RAB39A: variants seen among roughly 807,000 people sequenced by gnomAD.
RAB39A encodes the protein ras-related protein Rab-39A.
RAB39A carries 17 observed loss-of-function variants against 20.9 expected under a neutral mutation model. The observed-to-expected ratio is 0.81, with a 90% CI of 0.56 to 1.22. RAB39A has a LOEUF of 1.22. RAB39A is among the 50% of genes most tolerant of loss of function. The pLI is 0.00. For missense variants in RAB39A, 234 were observed against 270.5 expected, an observed-to-expected ratio of 0.87 and a Z score of 0.95; for synonymous variants, 99 against 103.4, an observed-to-expected ratio of 0.96 and a Z score of 0.26.
At chr11:107,931,702 T>C (rs1467719880) in intron 1 of RAB39A, among the ~76,000 whole-genome samples, 1 of 152,098 alleles carries the variant, frequency 6.6e-6, no homozygotes, top group East Asian at 1.9e-4. Flanking sequence ...TTGTGGGAAA[T>C]GTCATGTTTG....
At position 107,928,674 on chromosome 11, in the gene RAB39A, C is replaced by A. The variant is rs771124866; in HGVS notation, c.106C>A (p.Leu36Met). 2 of 1,612,360 alleles carry A rather than the reference C, an allele frequency of 1.2e-6. No individual in the cohort carries two copies. Among genetic ancestry groups the A allele is most frequent in the Admixed American group, 1.7e-5 (1 of 59,868 alleles). The change falls in exon 1 of 2, where the codon CTG (leucine) becomes ATG (methionine). Residue 36 changes from leucine to methionine, a missense_variant. Coordinates refer to ENST00000320578, the MANE Select transcript of RAB39A (RefSeq NM_017516.3). This position sits in a 1 kb window ranked among gnomAD's most constrained non-coding sequence, Gnocchi z 4.9. Reference sequence around the variant, plus strand: ...CTTCACCCAGGGCCGCTTCCCCGGGCTGCGCTCCCCCGCCTGCGACCCCAC... The same window carrying A: ...CTTCACCCAGGGCCGCTTCCCCGGGATGCGCTCCCCCGCCTGCGACCCCAC... ...HRFTQGRFPG[L>M]RSPACDPTVG... is the part of the protein sequence containing the mutation.
intron 1 of RAB39A, among the ~76,000 whole-genome samples, chr11:107,950,243 T>G (rs12283920): frequency 0.029 from 4,440 of 152,244 alleles, 223 homozygotes; most frequent in African/African-American, 0.1. Context: ...TGTGCAATTT[T>G]CAGCCCATTT....
At chr11:107,961,540 C>A (rs761312308) in intron 1 of RAB39A, among the ~76,000 whole-genome samples, 3 of 152,268 alleles carry the variant, frequency 2.0e-5, no homozygotes, top group Non-Finnish European at 4.4e-5. Context: ...GAGAAGAGTT[C>A]ATTAAATTTT....
chr11:107,933,329 G>A (rs1344049383), intron 1 of RAB39A, among the ~76,000 whole-genome samples: 3 of 143,264 alleles, frequency 2.1e-5, no homozygotes. Context: ...GTGTGTGTGT[G>A]TGTGTGTGTG....
chr11:107,955,058 C>G (rs1195959415), intron 1 of RAB39A, among the ~76,000 whole-genome samples: 1 of 141,122 alleles, frequency 7.1e-6, no homozygotes, highest in Non-Finnish European at 1.5e-5. Flanking sequence ...GTGCAGTGGC[C>G]CGATCTCGGC....
intron 1 of RAB39A, among the ~76,000 whole-genome samples, chr11:107,943,185 C>G (rs1861276823): frequency 1.3e-5 from 2 of 152,170 alleles, no homozygotes; most frequent in African/African-American, 4.8e-5. Flanking sequence ...TGGGCACATA[C>G]TGAATGTGAT....
chr11:107,951,300 A>G (rs1861376397), intron 1 of RAB39A, among the ~76,000 whole-genome samples: 1 of 152,228 alleles, frequency 6.6e-6, no homozygotes, highest in Admixed American at 6.5e-5. Flanking sequence ...TAAAGCATCA[A>G]CACAATGACT....
At chr11:107,936,929 C>A (rs10749908) in intron 1 of RAB39A, among the ~76,000 whole-genome samples, 149,271 of 149,278 alleles carry the variant, frequency 1, 74,632 homozygotes, top group Middle Eastern at 1. Flanking sequence ...GCGAGACTCC[C>A]CCTCCAAAAA....
rs574562696 is a variant in RAB39A, at chr11:107,948,773, T to G, written c.228-13173T>G. On this transcript the variant is annotated intron_variant, in intron 1 of 1. Coordinates refer to ENST00000320578, the MANE Select transcript of RAB39A (RefSeq NM_017516.3). Reference sequence around the variant, plus strand: ...TGTTTTTATAAGTTATCTGTATACTTACCACACATCCTCACTTTTCCTGTT... The same window carrying G: ...TGTTTTTATAAGTTATCTGTATACTGACCACACATCCTCACTTTTCCTGTT... Among the ~76,000 whole-genome samples the G allele has an allele frequency of 5.3e-5, 8 of 152,256 alleles. No individual in the cohort carries two copies. The East Asian group carries it at 1.5e-3, about 29-fold the overall frequency.
chr11:107,950,179 C>CAA (rs372247905), intron 1 of RAB39A, among the ~76,000 whole-genome samples: 25 of 123,382 alleles, frequency 2.0e-4, no homozygotes, highest in Middle Eastern at 4.4e-3. Flanking sequence ...GACTCCGTCT[C>CAA]AAAAAAAAAA....
At chr11:107,958,845 C>T (rs953936006) in intron 1 of RAB39A, among the ~76,000 whole-genome samples, 3 of 151,910 alleles carry the variant, frequency 2.0e-5, no homozygotes, top group Non-Finnish European at 2.9e-5. Flanking sequence ...CCTGGCCGGG[C>T]GCGGTGGCTC....
At chr11:107,945,952 C>T (rs952129382) in intron 1 of RAB39A, among the ~76,000 whole-genome samples, 1 of 152,086 alleles carries the variant, frequency 6.6e-6, no homozygotes, top group Non-Finnish European at 1.5e-5. Flanking sequence ...AGAGTGCTGG[C>T]AGTCAAGCCT....
At chr11:107,935,075 A>G (rs541357588) in intron 1 of RAB39A, among the ~76,000 whole-genome samples, 25 of 151,798 alleles carry the variant, frequency 1.6e-4, no homozygotes, top group Middle Eastern at 3.4e-3. Flanking sequence ...CTCTTCTGCT[A>G]TGCATCTTTC....
At chr11:107,956,441 C>T (rs1314135158) in intron 1 of RAB39A, among the ~76,000 whole-genome samples, 1 of 152,138 alleles carries the variant, frequency 6.6e-6, no homozygotes, top group African/African-American at 2.4e-5. Context: ...GGACGCTATA[C>T]AAGAGTACTG....
chr11:107,950,306 T>A (rs979376806), intron 1 of RAB39A, among the ~76,000 whole-genome samples: 1 of 152,206 alleles, frequency 6.6e-6, no homozygotes, highest in Non-Finnish European at 1.5e-5. Flanking sequence ...AGAAATAAGC[T>A]TTTTTTATAT....
chr11:107,931,863 C>CTTT (rs35328521), intron 1 of RAB39A, among the ~76,000 whole-genome samples: 50 of 118,026 alleles, frequency 4.2e-4, no homozygotes, highest in South Asian at 8.7e-4. Context: ...TTCTTTCCTT[C>CTTT]TTTTTTTTTT....
In RAB39A at chr11:107,953,311, C is replaced by G. The variant is rs528065879; in HGVS notation, c.228-8635C>G. On this transcript the variant is annotated intron_variant, in intron 1 of 1. Coordinates refer to ENST00000320578, the MANE Select transcript of RAB39A (RefSeq NM_017516.3). ...TCTATGTTGACTCTATTGGTCAGGT[C>G]CTTGGTTGCCTGCAACAAAACCAGC... Among the ~76,000 whole-genome samples the G allele has an allele frequency of 2.6e-5, 4 of 152,164 alleles. 1 individual carries two copies. The highest frequency in any genetic ancestry group is 9.6e-5 in the African/African-American group (4 of 41,516).
chr11:107,954,230 T>G (rs1861410998), intron 1 of RAB39A, among the ~76,000 whole-genome samples: 1 of 152,232 alleles, frequency 6.6e-6, no homozygotes, highest in Admixed American at 6.5e-5. Flanking sequence ...TTAAGTCTAT[T>G]GAGCCCAGGT....
chr11:107,957,587 A>G (rs1416420960), intron 1 of RAB39A, among the ~76,000 whole-genome samples: 3 of 152,232 alleles, frequency 2.0e-5, no homozygotes, highest in Non-Finnish European at 2.9e-5. Flanking sequence ...AATTAAAACC[A>G]GATCTTCCAC....
Sources: gnomAD v4.1 joint callset for allele counts (sites outside exome capture counted in the v4.1 genomes callset) on GRCh38, gnomAD v4.1.1 for gene constraint, Gnocchi (gnomAD v3.1) non-coding constraint, MANE v1.5 for transcripts, NCBI Gene and HGNC (gene_info 2026-07-23, HGNC 2026-07-21) for gene names.